Variants in CHIC2 observed in about 807,000 individuals in gnomAD.
CHIC2 encodes the protein cysteine-rich hydrophobic domain-containing protein 2.
In CHIC2, 14 loss-of-function variants were observed where a neutral mutation model predicts 25.9. The observed-to-expected ratio is 0.54, with a 90% confidence interval of 0.36 to 0.85. CHIC2 has a LOEUF of 0.85. CHIC2 is among the 40% of genes least tolerant of loss of function. The pLI, the probability that CHIC2 is intolerant of heterozygous loss-of-function variation, is 0.01. For missense variants in CHIC2, 146 were observed against 202.0 expected, an observed-to-expected ratio of 0.72 and a Z score of 1.68; for synonymous variants, 70 against 72.0, an observed-to-expected ratio of 0.97 and a Z score of 0.14.
At chr4:54,047,150 C>T (rs528665177) in intron 3 of CHIC2, among the ~76,000 whole-genome samples, 1 of 152,132 alleles carries the variant, frequency 6.6e-6, no homozygotes, top group African/African-American at 2.4e-5. Flanking sequence ...CAGGAAACAA[C>T]AGGTGCTGGA....
At chr4:54,044,809 G>A (rs1716728160) in intron 3 of CHIC2, among the ~76,000 whole-genome samples, 2 of 152,092 alleles carry the variant, frequency 1.3e-5, no homozygotes, top group South Asian at 4.1e-4. Flanking sequence ...GAGCAGAACT[G>A]AAGGAAATAG....
chr4:54,080,975 T>C, the CHIC2 span, among the ~76,000 whole-genome samples: 1 of 117,468 alleles, frequency 8.5e-6, no homozygotes, highest in Non-Finnish European at 1.8e-5. Flanking sequence ...TATATATATA[T>C]ATATATATAT....
At chr4:54,069,173 A>G (rs1717571739), upstream of CHIC2, among the ~76,000 whole-genome samples, 1 of 152,152 alleles carries the variant, frequency 6.6e-6, no homozygotes, top group South Asian at 2.1e-4. Context: ...GAATGCAGGC[A>G]TGCACCACCA....
chr4:54,074,825 C>T, the CHIC2 span, among the ~76,000 whole-genome samples: 4 of 152,256 alleles, frequency 2.6e-5, no homozygotes, highest in Middle Eastern at 3.4e-3. Flanking sequence ...TAAAAATTCT[C>T]AGCTGGGCAC....
the CHIC2 span, among the ~76,000 whole-genome samples, chr4:54,071,901 T>C: frequency 6.6e-6 from 1 of 152,204 alleles, no homozygotes; most frequent in Admixed American, 6.6e-5. Context: ...TCAAAATTTG[T>C]CCCTAAAATG....
chr4:54,069,995 G>A, the CHIC2 span, among the ~76,000 whole-genome samples: 1 of 152,206 alleles, frequency 6.6e-6, no homozygotes, highest in African/African-American at 2.4e-5. Context: ...CAGTTCTGTG[G>A]AGAAGCACAG....
rs141387037 is a variant in CHIC2 at position 54,038,126 on chromosome 4, C to T, written c.330+10829G>A. On this transcript the variant is annotated intron_variant, in intron 3 of 5. Transcript: ENST00000263921. Reference sequence around the variant, plus strand: ...TCCTATTCAGCATTTTATTAGAACTCCTACACTGTGAAAAAGAGAAGGAAA... The same window carrying T: ...TCCTATTCAGCATTTTATTAGAACTTCTACACTGTGAAAAAGAGAAGGAAA... Among the ~76,000 whole-genome samples the T allele has an allele frequency of 3.5e-3, 532 of 152,148 alleles. 3 individuals are homozygous for T. Among genetic ancestry groups the T allele is most frequent in the Non-Finnish European group, 4.9e-3 (334 of 67,988 alleles).
chr4:54,032,282 T>G (rs915523498), intron 3 of CHIC2, among the ~76,000 whole-genome samples: 2 of 29,222 alleles, frequency 6.8e-5, no homozygotes, highest in Non-Finnish European at 1.4e-4. Context: ...CCCCTCCCCC[T>G]CCCTCTCCCT....
At chr4:54,060,659 G>C (rs572082529) in intron 1 of CHIC2, 1 of 151,992 alleles carries the variant, frequency 6.6e-6, no homozygotes. Flanking sequence ...TGTGAAAAAC[G>C]AAACTCTTCA....
At chr4:54,056,895 G>A (rs537363290) in intron 1 of CHIC2, among the ~76,000 whole-genome samples, 2 of 152,130 alleles carry the variant, frequency 1.3e-5, no homozygotes, top group African/African-American at 4.8e-5. Flanking sequence ...TCACATTTAC[G>A]AGGGTTCCCA....
upstream of CHIC2, among the ~76,000 whole-genome samples, chr4:54,065,774 G>A (rs962399679): frequency 2.0e-5 from 3 of 152,192 alleles, no homozygotes; most frequent in African/African-American, 7.2e-5. Flanking sequence ...CACAGTAGTC[G>A]GCTTTAGATG....
chr4:54,025,379 C>T lies in CHIC2; in HGVS notation c.331-11260G>A, dbSNP rs187302715. ...ATCCACCCCCGCCCACAAAACATTG[C>T]TCCTAACTCCACTGCCTATCCCAAA... On this transcript the variant is annotated intron_variant, in intron 3 of 5. Coordinates refer to ENST00000263921, the MANE Select transcript of CHIC2 (RefSeq NM_012110.4). Among the ~76,000 whole-genome samples, 78 of 152,228 alleles carry T rather than the reference C, an allele frequency of 5.1e-4. No individual in the cohort carries two copies. The East Asian group carries it at 0.011, about 21-fold the overall frequency.
At chr4:54,030,133 G>C (rs1716178664) in intron 3 of CHIC2, among the ~76,000 whole-genome samples, 1 of 151,858 alleles carries the variant, frequency 6.6e-6, no homozygotes, top group South Asian at 2.1e-4. Context: ...AGAAATACAG[G>C]CATCTTAGCA....
At chr4:54,051,317 C>G (rs13120133) in intron 1 of CHIC2, among the ~76,000 whole-genome samples, 3 of 151,790 alleles carry the variant, frequency 2.0e-5, no homozygotes, top group Admixed American at 2.0e-4. Flanking sequence ...AATTGTTTAC[C>G]TTCTTCACAC....
In CHIC2 at chr4:54,010,035, C is replaced by T; in HGVS notation, c.*60G>A. On this transcript the variant is annotated 3_prime_UTR_variant, in exon 6 of 6. Transcript: ENST00000263921. ...TGTTATGTCACCACCAGGAGAGCAC[C>T]AAGCAAGGCACCATTGGAAAGACAA... 8.5e-7 allele frequency: 1 copy of T among 1,179,808 alleles called. No homozygotes were observed. The highest frequency in any genetic ancestry group is 1.3e-6 in the Non-Finnish European group (1 of 799,568). The allele number at this position is 1,179,808 out of a possible 1,614,324, so 73.1% of individuals were successfully genotyped here. A position where few individuals can be genotyped will look rare whatever the true frequency, so the allele number is the denominator to read the frequency against.
upstream of CHIC2, among the ~76,000 whole-genome samples, chr4:54,067,982 G>A (rs1485521518): frequency 1.3e-5 from 2 of 151,278 alleles, no homozygotes; most frequent in Admixed American, 6.6e-5. Flanking sequence ...TGGAAATGGA[G>A]CCTTTGGAGG....
chr4:54,035,165 A>G (rs192958774), intron 3 of CHIC2, among the ~76,000 whole-genome samples: 71 of 152,234 alleles, frequency 4.7e-4, no homozygotes, highest in African/African-American at 1.7e-3. Flanking sequence ...GAAGTTTTAT[A>G]TCTATGTTCA....
chr4:54,070,492 G>A, the CHIC2 span, among the ~76,000 whole-genome samples: 1 of 151,798 alleles, frequency 6.6e-6, no homozygotes, highest in Admixed American at 6.6e-5. Flanking sequence ...GCACAATCTC[G>A]GCTCACTACA....
chr4:54,062,072 CT>C (rs1177680150), intron 1 of CHIC2, among the ~76,000 whole-genome samples: 1 of 152,092 alleles, frequency 6.6e-6, no homozygotes, highest in Non-Finnish European at 1.5e-5. Context: ...CCTTAATAAT[CT>C]TAAAAGGTAT....
Sources: gnomAD v4.1 joint callset for allele counts (sites outside exome capture counted in the v4.1 genomes callset) on GRCh38, gnomAD v4.1.1 for gene constraint, MANE v1.5 for transcripts, NCBI Gene and HGNC (gene_info 2026-07-23, HGNC 2026-07-21) for gene names.